The following NOVA1 variants were observed in gnomAD, a reference collection of about 807,000 sequenced individuals.
The protein encoded by NOVA1 is NOVA alternative splicing regulator 1, also known as RNA-binding protein Nova-1.
In NOVA1, 7 loss-of-function variants were observed where a neutral mutation model predicts 38.0. The observed-to-expected ratio is 0.18, with a 90% CI of 0.10 to 0.35. The LOEUF is 0.35. Ranked by LOEUF, NOVA1 falls within the 10% of genes least tolerant of loss-of-function variation. The pLI, the probability that NOVA1 is intolerant of heterozygous loss-of-function variation, is 1.00. For missense variants in NOVA1, 460 were observed against 616.0 expected (o/e 0.75, Z 2.68); for synonymous variants, 270 against 232.5 (o/e 1.16, Z -1.47).
At chr14:26,521,105 C>CT (rs1195017631) in intron 2 of NOVA1, among the ~76,000 whole-genome samples, 3 of 151,888 alleles carry the variant, frequency 2.0e-5, no homozygotes, top group African/African-American at 7.2e-5. Flanking sequence ...AAAATAATAA[C>CT]TTTCCAAAGA....
chr14:26,563,311 G>A (rs560505584), intron 2 of NOVA1, among the ~76,000 whole-genome samples: 2 of 148,318 alleles, frequency 1.3e-5, no homozygotes, highest in Admixed American at 1.3e-4. Context: ...CACAAAATAA[G>A]AACAATATGT....
intron 2 of NOVA1, among the ~76,000 whole-genome samples, chr14:26,515,764 T>C (rs889319105): frequency 4.6e-5 from 7 of 152,056 alleles, no homozygotes; most frequent in Admixed American, 2.0e-4. Context: ...TAAAGAAAAA[T>C]AGATCATAGT....
intron 2 of NOVA1, among the ~76,000 whole-genome samples, chr14:26,520,704 A>G (rs1348251016): frequency 6.6e-6 from 1 of 152,138 alleles, no homozygotes; most frequent in Non-Finnish European, 1.5e-5. Context: ...GGTTTTAAAT[A>G]AATTTTAGTG....
At chr14:26,549,263 A>G (rs1891017432) in intron 2 of NOVA1, 1 of 152,118 alleles carries the variant, frequency 6.6e-6, no homozygotes. Context: ...ACTCCAAAAG[A>G]AAGTATTAAA....
At chr14:26,471,180 T>A (rs2138250401) in intron 4 of NOVA1, among the ~76,000 whole-genome samples, 1 of 152,080 alleles carries the variant, frequency 6.6e-6, no homozygotes, top group South Asian at 2.1e-4. Context: ...AAAATGAAAA[T>A]CAAACCTGTA....
intron 2 of NOVA1, among the ~76,000 whole-genome samples, chr14:26,583,082 C>T (rs1329744934): frequency 2.0e-5 from 3 of 151,592 alleles, no homozygotes; most frequent in Non-Finnish European, 3.0e-5. Context: ...AATAGGTATA[C>T]GCTTCAGAAC....
At chr14:26,585,755 T>C (rs758398077) in intron 2 of NOVA1, among the ~76,000 whole-genome samples, 4 of 150,872 alleles carry the variant, frequency 2.7e-5, no homozygotes, top group Non-Finnish European at 5.9e-5. Flanking sequence ...CTCCATAATA[T>C]TGGATTTCAG....
At chr14:26,483,446 T>C (rs1036383499) in intron 2 of NOVA1, among the ~76,000 whole-genome samples, 10 of 152,206 alleles carry the variant, frequency 6.6e-5, no homozygotes, top group African/African-American at 2.4e-4. Flanking sequence ...AATTACTCTT[T>C]TGCAAACCTA....
At chr14:26,575,671 T>C (rs1594565741) in intron 2 of NOVA1, among the ~76,000 whole-genome samples, 1 of 152,118 alleles carries the variant, frequency 6.6e-6, no homozygotes. Context: ...TACAGATTTA[T>C]TTTGTCTTAT....
chr14:26,485,386 A>G (rs1885802263), intron 2 of NOVA1, among the ~76,000 whole-genome samples: 1 of 152,172 alleles, frequency 6.6e-6, no homozygotes, highest in Admixed American at 6.5e-5. Flanking sequence ...TTTAAAAACT[A>G]TAATAAGTTA....
At chr14:26,547,748 T>C (rs1594511887) in intron 2 of NOVA1, among the ~76,000 whole-genome samples, 1 of 152,204 alleles carries the variant, frequency 6.6e-6, no homozygotes, top group Non-Finnish European at 1.5e-5. Context: ...AAAGAATCAA[T>C]TATAGCAATT....
At chr14:26,584,167 C>G (rs967181955) in intron 2 of NOVA1, among the ~76,000 whole-genome samples, 1 of 151,302 alleles carries the variant, frequency 6.6e-6, no homozygotes. Context: ...TTCTTCCATA[C>G]TTGGCACATA....
chr14:26,468,655 A>G (rs1884344617), intron 4 of NOVA1, among the ~76,000 whole-genome samples: 1 of 152,232 alleles, frequency 6.6e-6, no homozygotes, highest in Non-Finnish European at 1.5e-5. Flanking sequence ...TACAAATGAC[A>G]GAATTAAGAA....
In NOVA1 at chr14:26,479,869, A is replaced by G. The variant is rs919333213; in HGVS notation, c.447+108T>C. 2.5e-6 allele frequency: 3 copies of G among 1,178,308 alleles called. No individual in the cohort carries two copies. In the African/African-American group the frequency reaches 4.6e-5, roughly 18 times the overall value. The allele number at this position is 1,178,308 out of a possible 1,614,324, so 73.0% of individuals were successfully genotyped here. A position where few individuals can be genotyped will look rare whatever the true frequency, so the allele number is the denominator to read the frequency against. ...CTAAATGACAACTCTGGTATGTTTT[A>G]TGTGTGCTTAAAATAAAAGTTTTAT... is the stretch of plus-strand genomic sequence containing the variant. On this transcript the variant is annotated intron_variant, in intron 3 of 4. Transcript: ENST00000539517.
intron 2 of NOVA1, among the ~76,000 whole-genome samples, chr14:26,548,437 T>C (rs1456636559): frequency 6.6e-6 from 1 of 152,038 alleles, no homozygotes; most frequent in African/African-American, 2.4e-5. Flanking sequence ...CTAAACCAAA[T>C]GACACCATAT....
At chr14:26,464,445 T>C (rs1416400012) in intron 4 of NOVA1, among the ~76,000 whole-genome samples, 1 of 152,222 alleles carries the variant, frequency 6.6e-6, no homozygotes, top group Admixed American at 6.5e-5. Context: ...ATACACTCTA[T>C]GATGTTCACA....
At chr14:26,471,509 C>G (rs889558161) in intron 4 of NOVA1, among the ~76,000 whole-genome samples, 2 of 151,476 alleles carry the variant, frequency 1.3e-5, no homozygotes, top group Admixed American at 6.6e-5. Flanking sequence ...AAGCTCAACT[C>G]ACACAAAATA....
intron 2 of NOVA1, chr14:26,593,442 T>C (rs1428348061): frequency 6.6e-6 from 1 of 151,944 alleles, no homozygotes; most frequent in African/African-American, 2.4e-5. Context: ...CAGAATTCTT[T>C]AAGCTTCTTA....
At chr14:26,461,504 G>C (rs1403753918) in intron 4 of NOVA1, among the ~76,000 whole-genome samples, 1 of 151,988 alleles carries the variant, frequency 6.6e-6, no homozygotes, top group Admixed American at 6.6e-5. Context: ...TCACTGGTGT[G>C]GATAATAGAC....
Sources: gnomAD v4.1 joint callset for allele counts (sites outside exome capture counted in the v4.1 genomes callset) on GRCh38, gnomAD v4.1.1 for gene constraint, MANE v1.5 for transcripts, NCBI Gene and HGNC (gene_info 2026-07-23, HGNC 2026-07-21) for gene names.